Variants in TCF7L1 observed in about 807,000 individuals in gnomAD.
TCF7L1 encodes the protein transcription factor 7 like 1.
A neutral mutation model predicts 63.7 loss-of-function variants in TCF7L1; 18 were observed. That is an observed-to-expected ratio of 0.28 (90% CI 0.20 to 0.42). TCF7L1 has a LOEUF of 0.42. Among genes scored for constraint, TCF7L1 ranks in the 10% least tolerant of loss-of-function variants. The pLI is 1.00. For missense variants in TCF7L1, 654 were observed against 779.3 expected (o/e 0.84, Z 1.91); for synonymous variants, 355 against 340.9 (o/e 1.04, Z -0.46).
At chr2:85,308,440 CCTTT>C (rs1275100358) in intron 11 of TCF7L1, among the ~76,000 whole-genome samples, 10 of 107,182 alleles carry the variant, frequency 9.3e-5, no homozygotes, top group African/African-American at 1.2e-4. Flanking sequence ...TTTCTCCCTC[CCTTT>C]CTCTTTCCCT....
rs77520311 is a variant in TCF7L1 at position 85,258,759 on chromosome 2, G to A, written c.442-24736G>A. On this transcript the variant is annotated intron_variant, in intron 3 of 11. Coordinates refer to ENST00000282111, the MANE Select transcript of TCF7L1 (RefSeq NM_031283.3). ...ACCCTGCAGATATTGGGGTTGGGGG[G>A]GCTGTCTGCATGCCCTTCCTTCCCC... Among the ~76,000 whole-genome samples, 351 of 152,256 alleles carry A rather than the reference G, an allele frequency of 2.3e-3. 1 individual carries two copies. Among genetic ancestry groups the A allele is most frequent in the Non-Finnish European group, 3.6e-3 (247 of 68,008 alleles).
chr2:85,211,088 A>T (rs1679530106), intron 3 of TCF7L1, among the ~76,000 whole-genome samples: 1 of 152,204 alleles, frequency 6.6e-6, no homozygotes, highest in Admixed American at 6.5e-5. Context: ...TCTCTAGGGC[A>T]GTTTTCTGTC....
chr2:85,202,394 G>C (rs1432330990), intron 3 of TCF7L1, among the ~76,000 whole-genome samples: 1 of 151,894 alleles, frequency 6.6e-6, no homozygotes, highest in Non-Finnish European at 1.5e-5. Context: ...CATTCTGTGG[G>C]TTGTCTTTTC....
At chr2:85,263,951 T>G (rs1167372104) in intron 3 of TCF7L1, among the ~76,000 whole-genome samples, 1 of 152,078 alleles carries the variant, frequency 6.6e-6, no homozygotes, top group Admixed American at 6.5e-5. Context: ...GGTTTGGTAG[T>G]TAGGAGGTCA....
chr2:85,252,179 T>C (rs144170189), intron 3 of TCF7L1, among the ~76,000 whole-genome samples: 128 of 152,324 alleles, frequency 8.4e-4, no homozygotes, highest in African/African-American at 3.0e-3. Flanking sequence ...GAAAGGACTC[T>C]GAGGGAAGTG....
Position 85,304,083 on chromosome 2 carries a change from C to A in TCF7L1, c.761+86C>A, listed in dbSNP as rs552183400. On this transcript the variant is annotated intron_variant, in intron 6 of 11. Coordinates refer to ENST00000282111, the MANE Select transcript of TCF7L1 (RefSeq NM_031283.3). The stretch of plus-strand genomic sequence containing the variant: ...GCCCTGCGCGCCCTGCACAGTGGAG[C>A]CCCCTCAGAGGCAAGCCCAGGACTA... 2.2e-3 allele frequency: 2,801 copies of A among 1,246,306 alleles called. 4 individuals are homozygous for A. Among genetic ancestry groups the A allele is most frequent in the Non-Finnish European group, 2.9e-3 (2,517 of 868,142 alleles). The allele number at this position is 1,246,306 out of a possible 1,614,324, so 77.2% of individuals were successfully genotyped here. A position where few individuals can be genotyped will look rare whatever the true frequency, so the allele number is the denominator to read the frequency against.
chr2:85,230,693 GC>G (rs1184339297), intron 3 of TCF7L1, among the ~76,000 whole-genome samples: 1 of 152,182 alleles, frequency 6.6e-6, no homozygotes, highest in African/African-American at 2.4e-5. Context: ...GGCTGAATCA[GC>G]TTATACCGGG....
At chr2:85,293,493 T>A (rs1380046073) in intron 4 of TCF7L1, among the ~76,000 whole-genome samples, 2 of 152,232 alleles carry the variant, frequency 1.3e-5, no homozygotes, top group African/African-American at 2.4e-5. Flanking sequence ...GCCAGCATCA[T>A]GCTTTCTGTA....
intron 3 of TCF7L1, among the ~76,000 whole-genome samples, chr2:85,206,324 T>C (rs1679409301): frequency 6.6e-6 from 1 of 152,250 alleles, no homozygotes; most frequent in Non-Finnish European, 1.5e-5. Flanking sequence ...TCTGTGGGGC[T>C]GTTTGACCAC....
At chr2:85,186,706 C>G (rs1275152707) in intron 3 of TCF7L1, 1 of 152,164 alleles carries the variant, frequency 6.6e-6, no homozygotes, top group Admixed American at 6.6e-5. Context: ...ATGCTGCACA[C>G]AGAGTTAGGA....
intron 3 of TCF7L1, among the ~76,000 whole-genome samples, chr2:85,212,561 T>A (rs1679590854): frequency 6.6e-6 from 1 of 152,142 alleles, no homozygotes; most frequent in South Asian, 2.1e-4. Context: ...GGACCTGTCT[T>A]TTGAATTGGG....
At chr2:85,222,016 G>A (rs1212235410) in intron 3 of TCF7L1, among the ~76,000 whole-genome samples, 1 of 151,350 alleles carries the variant, frequency 6.6e-6, no homozygotes, top group Admixed American at 6.6e-5. Context: ...AATAGGGAAA[G>A]AGAAAGACTC....
intron 3 of TCF7L1, among the ~76,000 whole-genome samples, chr2:85,180,030 G>A (rs562735935): frequency 6.6e-6 from 1 of 152,124 alleles, no homozygotes; most frequent in African/African-American, 2.4e-5. Flanking sequence ...CCTGTGTAGG[G>A]TGTCACTGCC....
At chr2:85,195,804 C>A (rs1175171455) in intron 3 of TCF7L1, among the ~76,000 whole-genome samples, 1 of 152,138 alleles carries the variant, frequency 6.6e-6, no homozygotes, top group Non-Finnish European at 1.5e-5. Context: ...GCCTCGGCCT[C>A]CCAAAGTGCT....
chr2:85,196,410 A>G (rs866171600), intron 3 of TCF7L1, among the ~76,000 whole-genome samples: 9 of 152,264 alleles, frequency 5.9e-5, no homozygotes, highest in African/African-American at 1.7e-4. Context: ...TATTCTGCAC[A>G]TTTACCTGTG....
chr2:85,262,387 T>TAA, intron 3 of TCF7L1: 7 of 372,490 alleles, frequency 1.9e-5, no homozygotes, highest in Non-Finnish European at 3.2e-5. Context: ...CACCGTCTCT[T>TAA]AAAAGAAAAA....
intron 3 of TCF7L1, among the ~76,000 whole-genome samples, chr2:85,232,722 T>TTGATGTTCCCC (rs1251143518): frequency 6.6e-6 from 1 of 152,194 alleles, no homozygotes; most frequent in Non-Finnish European, 1.5e-5. Context: ...AATATAAATG[T>TTGATGTTCCCC]TGATGTTCCC....
chr2:85,208,693 G>A (rs967793698), intron 3 of TCF7L1, among the ~76,000 whole-genome samples: 1 of 152,166 alleles, frequency 6.6e-6, no homozygotes, highest in Admixed American at 6.5e-5. Flanking sequence ...GAGGGCCTCT[G>A]GAAGGATGGA....
chr2:85,202,773 G>A (rs1421077197), intron 3 of TCF7L1, among the ~76,000 whole-genome samples: 1 of 152,174 alleles, frequency 6.6e-6, no homozygotes, highest in Non-Finnish European at 1.5e-5. Flanking sequence ...GGTACTGTGA[G>A]GTTCAATTGA....
Sources: gnomAD v4.1 joint callset for allele counts (sites outside exome capture counted in the v4.1 genomes callset) on GRCh38, gnomAD v4.1.1 for gene constraint, MANE v1.5 for transcripts, NCBI Gene and HGNC (gene_info 2026-07-23, HGNC 2026-07-21) for gene names.